TM2D1: variants seen among roughly 807,000 people sequenced by gnomAD.
The protein encoded by TM2D1 is TM2 domain-containing protein 1.
TM2D1 carries 15 observed loss-of-function variants against 28.4 expected under a neutral mutation model. The observed-to-expected ratio is 0.53, with a 90% confidence interval of 0.35 to 0.81. The LOEUF (loss-of-function observed/expected upper bound fraction) is 0.81. TM2D1 is among the 40% of genes least tolerant of loss of function. The pLI is 0.01. For missense variants in TM2D1, 236 were observed against 254.9 expected (o/e 0.93, Z 0.50); for synonymous variants, 93 against 96.2 (o/e 0.97, Z 0.20).
rs746971403 is a variant in TM2D1 at position 61,725,088 on chromosome 1, A to G, written c.33T>C (p.Ala11=). The G allele has an allele frequency of 6.2e-7, 1 of 1,613,810 alleles. No individual in the cohort carries two copies. Among genetic ancestry groups the G allele is most frequent in the Non-Finnish European group, 8.5e-7 (1 of 1,179,892 alleles). MAAAWPSGPS[A]PEAVTARLVG... ...CGAGTCTGGCCGTCACGGCCTCCGG[A>G]GCAGACGGACCAGACGGCCAGGCGG... The change falls in exon 1 of 7, where the codon GCT becomes GCC. Residue 11 remains alanine, a synonymous_variant. Transcript: ENST00000606498.
At chr1:61,722,023 T>G (rs905817605) in intron 2 of TM2D1, among the ~76,000 whole-genome samples, 5 of 150,470 alleles carry the variant, frequency 3.3e-5, no homozygotes, top group African/African-American at 1.2e-4. Flanking sequence ...AACCCAGCAC[T>G]TTTTTTGGGA....
chr1:61,723,477 C>T (rs1644582602), intron 2 of TM2D1, among the ~76,000 whole-genome samples: 1 of 152,068 alleles, frequency 6.6e-6, no homozygotes, highest in African/African-American at 2.4e-5. Flanking sequence ...CCACGTCCAG[C>T]CCTATTATTG....
intron 5 of TM2D1, among the ~76,000 whole-genome samples, chr1:61,688,465 C>T (rs1644298870): frequency 6.6e-6 from 1 of 152,194 alleles, no homozygotes; most frequent in Non-Finnish European, 1.5e-5. Context: ...TGGCTCACGC[C>T]TGTAATCTCA....
intron 4 of TM2D1, among the ~76,000 whole-genome samples, chr1:61,695,735 CT>C: frequency 6.6e-6 from 1 of 152,310 alleles, no homozygotes; most frequent in African/African-American, 2.4e-5. Flanking sequence ...CATTAGATGA[CT>C]TTTTCCCCCA....
chr1:61,722,305 C>T (rs1033317506), intron 2 of TM2D1, among the ~76,000 whole-genome samples: 16 of 151,778 alleles, frequency 1.1e-4, no homozygotes, highest in African/African-American at 3.4e-4. Flanking sequence ...ATAATATATG[C>T]CTTATAGAGG....
intron 5 of TM2D1, among the ~76,000 whole-genome samples, chr1:61,691,986 G>T (rs1297967163): frequency 2.4e-5 from 3 of 124,594 alleles, no homozygotes; most frequent in Non-Finnish European, 3.4e-5. Flanking sequence ...ACAAAATAAT[G>T]AGTGTCTTTA....
chr1:61,682,384 G>C (rs1644250613), intron 6 of TM2D1, among the ~76,000 whole-genome samples: 1 of 152,036 alleles, frequency 6.6e-6, no homozygotes, highest in African/African-American at 2.4e-5. Context: ...ATGATATATA[G>C]GATTTCTCTA....
intron 2 of TM2D1, among the ~76,000 whole-genome samples, chr1:61,719,757 A>G (rs935228953): frequency 1.3e-5 from 2 of 152,150 alleles, no homozygotes; most frequent in South Asian, 2.1e-4. Flanking sequence ...GGCCTCCCCA[A>G]GTGCTGAGAT....
intron 2 of TM2D1, among the ~76,000 whole-genome samples, chr1:61,715,597 G>A (rs1353346744): frequency 6.9e-5 from 8 of 115,860 alleles, no homozygotes; most frequent in Admixed American, 1.2e-4. Context: ...GCAGTGAGCC[G>A]AGATGGCACC....
intron 2 of TM2D1, among the ~76,000 whole-genome samples, chr1:61,713,048 A>G (rs1288336551): frequency 2.0e-5 from 3 of 151,934 alleles, no homozygotes; most frequent in Non-Finnish European, 4.4e-5. Flanking sequence ...CACACACCTG[A>G]AATCCCAGCT....
intron 3 of TM2D1, among the ~76,000 whole-genome samples, chr1:61,701,919 G>A (rs377382172): frequency 3.9e-5 from 6 of 152,118 alleles, no homozygotes; most frequent in South Asian, 4.1e-4. Flanking sequence ...AGACGGGCGC[G>A]GTGGCACACG....
At chr1:61,707,629 T>C (rs529637879) in intron 3 of TM2D1, among the ~76,000 whole-genome samples, 3 of 152,356 alleles carry the variant, frequency 2.0e-5, no homozygotes, top group Non-Finnish European at 2.9e-5. Context: ...TCTTTTTTAA[T>C]AATTTTTACT....
At chr1:61,713,163 C>T (rs991142167) in intron 2 of TM2D1, among the ~76,000 whole-genome samples, 13 of 145,946 alleles carry the variant, frequency 8.9e-5, no homozygotes, top group Admixed American at 1.4e-4. Flanking sequence ...GAATGAGACT[C>T]CACCTCAAAA....
chr1:61,724,896 A>T, intron 1 of TM2D1, 61 bp downstream of exon 1: 2 of 1,510,906 alleles, frequency 1.3e-6, no homozygotes, highest in Non-Finnish European at 1.8e-6. Flanking sequence ...GACGGCAGCG[A>T]CCCACCTGCG....
intron 5 of TM2D1, among the ~76,000 whole-genome samples, chr1:61,688,049 C>A (rs1396121127): frequency 6.6e-6 from 1 of 152,168 alleles, no homozygotes. Flanking sequence ...CTACACAGTG[C>A]CAGAATTTAT....
chr1:61,715,885 T>TC (rs751321072), intron 2 of TM2D1, among the ~76,000 whole-genome samples: 1 of 150,458 alleles, frequency 6.6e-6, no homozygotes, highest in East Asian at 2.1e-4. Context: ...CACTGCAAGC[T>TC]CCACCTCCCA....
intron 5 of TM2D1, among the ~76,000 whole-genome samples, chr1:61,684,320 T>C (rs1040741144): frequency 2.6e-5 from 4 of 152,212 alleles, no homozygotes; most frequent in Non-Finnish European, 5.9e-5. Context: ...CCCTAAATAC[T>C]CTTTGTAAAA....
chr1:61,708,493 TG>T (rs1188467292), intron 3 of TM2D1, among the ~76,000 whole-genome samples: 1 of 152,226 alleles, frequency 6.6e-6, no homozygotes, highest in African/African-American at 2.4e-5. Context: ...CGGGCTCCTC[TG>T]GCCTCAGCCT....
intron 5 of TM2D1, chr1:61,683,807 C>T (rs1644264869): frequency 4.0e-6 from 1 of 249,482 alleles, no homozygotes; most frequent in Non-Finnish European, 7.6e-6. Context: ...GCTTCCCTGC[C>T]TCCTTGCTTA....
Sources: gnomAD v4.1 joint callset for allele counts (sites outside exome capture counted in the v4.1 genomes callset) on GRCh38, gnomAD v4.1.1 for gene constraint, MANE v1.5 for transcripts, NCBI Gene and HGNC (gene_info 2026-07-23, HGNC 2026-07-21) for gene names.